USP13: variants seen among roughly 807,000 people sequenced by gnomAD.
USP13 encodes ubiquitin specific peptidase 13, also known as ubiquitin carboxyl-terminal hydrolase 13.
Under a neutral mutation model 107.8 loss-of-function variants are expected in USP13, and 68 were observed. That is an observed-to-expected ratio of 0.63 (90% CI 0.52 to 0.77). The LOEUF (loss-of-function observed/expected upper bound fraction) is 0.77. Among genes scored for constraint, USP13 ranks in the 30% least tolerant of loss-of-function variants. The pLI, the probability that USP13 is intolerant of heterozygous loss-of-function variation, is 0.00. For missense variants in USP13, 945 were observed against 1,093.3 expected, an observed-to-expected ratio of 0.86 and a Z score of 1.91; for synonymous variants, 377 against 389.5, an observed-to-expected ratio of 0.97 and a Z score of 0.38.
chr3:179,658,396 T>C (rs1317885410), intron 1 of USP13, among the ~76,000 whole-genome samples: 2 of 152,172 alleles, frequency 1.3e-5, no homozygotes, highest in Admixed American at 6.5e-5. Flanking sequence ...GCACAGCGGT[T>C]CTAGTCTGTC....
chr3:179,745,133 G>C lies in USP13; in HGVS notation c.1625G>C (p.Ser542Thr). 6.2e-7 allele frequency: 1 copy of C among 1,614,166 alleles called. No individual in the cohort carries two copies. Among genetic ancestry groups the C allele is most frequent in the African/African-American group, 1.3e-5 (1 of 75,032 alleles). Residue 542 changes from serine to threonine, a missense_variant, in exon 13 of 21, where the codon AGT (serine) becomes ACT (threonine). By Grantham distance (58) the Ser-to-Thr change is moderately conservative (BLOSUM62 1). Coordinates refer to ENST00000263966, the MANE Select transcript of USP13 (RefSeq NM_003940.3). Reference sequence around the variant, plus strand: ...TTGGTACGTGCCAAGATACCATTTAGTGCCTGCCTTCAGGCCTTCTCTGAA... The same window carrying C: ...TTGGTACGTGCCAAGATACCATTTACTGCCTGCCTTCAGGCCTTCTCTGAA... The part of the protein sequence containing the change: ...PELVRAKIPF[S>T]ACLQAFSEPE...
rs1479200445 is a variant in USP13, at chr3:179,727,946, C to T, written c.1089-2243C>T. Among the ~76,000 whole-genome samples the T allele has an allele frequency of 1.7e-4, 11 of 65,552 alleles. 3 individuals carry two copies. The highest frequency in any genetic ancestry group is 3.5e-4 in the African/African-American group (9 of 25,466). The allele number at this position is 65,552 out of a possible 152,430, so 43.0% of individuals were successfully genotyped here. On this transcript the variant is annotated intron_variant, in intron 8 of 20. Transcript: ENST00000263966. ...GGGGCTGACCCCCCCACCTCCCTCT[C>T]GGACGAGGCGGCTGGCTGGGCGGGG... is the stretch of plus-strand genomic sequence containing the variant.
intron 2 of USP13, among the ~76,000 whole-genome samples, chr3:179,682,922 A>C (rs1052920774): frequency 3.3e-5 from 5 of 151,836 alleles, no homozygotes; most frequent in Non-Finnish European, 5.9e-5. Flanking sequence ...ACCTATTTAC[A>C]CTCTGATCTG....
At chr3:179,745,777 A>G (rs1714384721) in intron 13 of USP13, among the ~76,000 whole-genome samples, 1 of 152,228 alleles carries the variant, frequency 6.6e-6, no homozygotes, top group Non-Finnish European at 1.5e-5. Context: ...CTTGGAGACT[A>G]GGAGTCTCAG....
At chr3:179,657,662 G>A (rs1445640638) in intron 1 of USP13, among the ~76,000 whole-genome samples, 4 of 149,536 alleles carry the variant, frequency 2.7e-5, no homozygotes, top group Non-Finnish European at 3.0e-5. Flanking sequence ...TACTCGGGAG[G>A]CTGAGGCAGG....
Position 179,730,623 on chromosome 3 carries a change from T to C in USP13, c.1168T>C (p.Leu390=). 3 of 1,613,792 alleles carry C rather than the reference T, an allele frequency of 1.9e-6. No individual in the cohort carries two copies. The South Asian group carries it at 3.3e-5, about 18-fold the overall frequency. Reference sequence around the variant, plus strand: ...TTTCTCTGTCCTGGCCAGGACTAAGTTAGGACATGGCCTTCTCTCAGGCCA... The same window carrying C: ...TTTCTCTGTCCTGGCCAGGACTAAGCTAGGACATGGCCTTCTCTCAGGCCA... The part of the protein sequence containing the change: ...TQDFNTQMTK[L]GHGLLSGQYS... Residue 390 remains leucine (L), a synonymous_variant, in exon 10 of 21, where the codon TTA becomes CTA. Coordinates refer to ENST00000263966, the MANE Select transcript of USP13 (RefSeq NM_003940.3).
intron 15 of USP13, 101 bp from the exon 16 acceptor site, chr3:179,756,950 TG>T: frequency 8.3e-7 from 1 of 1,204,626 alleles, no homozygotes; most frequent in Non-Finnish European, 1.2e-6. Flanking sequence ...TCCCCAGGAG[TG>T]GGGAGGGCAT....
chr3:179,756,795 A>T (rs1211593075), intron 15 of USP13, among the ~76,000 whole-genome samples: 1 of 152,066 alleles, frequency 6.6e-6, no homozygotes, highest in Non-Finnish European at 1.5e-5. Context: ...AATAATAGAG[A>T]CATAATAGGG....
intron 1 of USP13, among the ~76,000 whole-genome samples, chr3:179,662,285 G>C (rs1486359089): frequency 6.6e-6 from 1 of 152,120 alleles, no homozygotes; most frequent in Non-Finnish European, 1.5e-5. Context: ...AGAGGGAGGG[G>C]CCTCTTGGAG....
chr3:179,714,355 A>G (rs1347996543), intron 6 of USP13, among the ~76,000 whole-genome samples: 2 of 152,096 alleles, frequency 1.3e-5, no homozygotes, highest in African/African-American at 2.4e-5. Context: ...TCCCAGCCCC[A>G]GGGTTTGGAA....
In USP13 at chr3:179,653,087, TC is replaced by T; in HGVS notation, c.-135del. The T allele has an allele frequency of 1.3e-6, 1 of 750,958 alleles. No homozygotes were observed. Among genetic ancestry groups the T allele is most frequent in the Non-Finnish European group, 1.6e-6 (1 of 617,676 alleles). The allele number at this position is 750,958 out of a possible 1,614,324, so 46.5% of individuals were successfully genotyped here. On this transcript the variant is annotated 5_prime_UTR_variant, in exon 1 of 21. Transcript: ENST00000263966. This position sits in a 1 kb window ranked among gnomAD's most constrained non-coding sequence, Gnocchi z 4.0. The stretch of plus-strand genomic sequence containing the variant: ...CCCGCTCCCGCCCCGCAGCCCGCTC[TC>T]CCCGCCCGCCCCGGCTCGGCCGGCT...
intron 13 of USP13, among the ~76,000 whole-genome samples, chr3:179,747,148 A>ACATGTG (rs1376651364): frequency 1.3e-5 from 2 of 152,102 alleles, no homozygotes; most frequent in Non-Finnish European, 2.9e-5. Context: ...GTATGTGTGC[A>ACATGTG]CATGTGCATG....
chr3:179,731,119 C>A (rs1032585503), intron 10 of USP13, among the ~76,000 whole-genome samples: 1 of 152,160 alleles, frequency 6.6e-6, no homozygotes. Flanking sequence ...TGTTAAAAAA[C>A]AACACACAGG....
chr3:179,694,629 G>A (rs998739317), intron 3 of USP13, among the ~76,000 whole-genome samples: 1 of 151,894 alleles, frequency 6.6e-6, no homozygotes, highest in African/African-American at 2.4e-5. Flanking sequence ...GTGAAACCCT[G>A]TCTCTACTAA....
intron 19 of USP13, among the ~76,000 whole-genome samples, chr3:179,773,118 G>A (rs1715391446): frequency 1.3e-5 from 2 of 152,300 alleles, no homozygotes; most frequent in Admixed American, 6.5e-5. Flanking sequence ...GGGACCTGGT[G>A]GGAGGTGTTT....
chr3:179,766,120 C>T (rs1050773420), intron 19 of USP13, among the ~76,000 whole-genome samples: 1 of 152,108 alleles, frequency 6.6e-6, no homozygotes, highest in Non-Finnish European at 1.5e-5. Context: ...GCTGGGATTA[C>T]AGGCATGTGC....
At chr3:179,687,808 G>A (rs1267693061) in intron 2 of USP13, among the ~76,000 whole-genome samples, 1 of 151,660 alleles carries the variant, frequency 6.6e-6, no homozygotes, top group Admixed American at 6.6e-5. Context: ...TGGCACACTG[G>A]CACTTAAATC....
chr3:179,657,069 C>T (rs551266482), intron 1 of USP13, among the ~76,000 whole-genome samples: 8 of 152,298 alleles, frequency 5.3e-5, no homozygotes, highest in Middle Eastern at 3.4e-3. Context: ...ATCCTATCTC[C>T]GTCACTCAGT....
At position 179,785,977 on chromosome 3, in the gene USP13, G is replaced by GT. The variant is rs1438402804; in HGVS notation, c.*1837dup. On this transcript the variant is annotated 3_prime_UTR_variant, in exon 21 of 21. Coordinates refer to ENST00000263966, the MANE Select transcript of USP13 (RefSeq NM_003940.3). ...AGAATGTGGTATGCCATGGTGGGTTGTAGTAGATGGTGCTCCCTGCCTTTT... is the reference window on the plus strand; with the variant it reads ...AGAATGTGGTATGCCATGGTGGGTTGTTAGTAGATGGTGCTCCCTGCCTTTT... The GT allele has an allele frequency of 6.6e-6, 1 of 152,284 alleles. No individual in the cohort carries two copies. The highest frequency in any genetic ancestry group is 1.5e-5 in the Non-Finnish European group (1 of 68,080). The allele number at this position is 152,284 out of a possible 1,614,324, so 9.4% of individuals were successfully genotyped here.
Sources: allele counts gnomAD v4.1 joint callset (sites outside exome capture counted in the v4.1 genomes callset), GRCh38; gene constraint gnomAD v4.1.1; non-coding constraint Gnocchi (gnomAD v3.1); transcripts MANE v1.5; gene names NCBI Gene and HGNC (gene_info 2026-07-23, HGNC 2026-07-21).